EDIL3: variants seen among roughly 807,000 people sequenced by gnomAD.
EDIL3 encodes EGF-like repeat and discoidin I-like domain-containing protein 3.
In EDIL3, 37 loss-of-function variants were observed where a neutral mutation model predicts 67.4. That is an observed-to-expected ratio of 0.55 (90% CI 0.42 to 0.72). EDIL3 has a LOEUF of 0.72. EDIL3 is among the 30% of genes least tolerant of loss of function. The probability of loss-of-function intolerance (pLI) is 0.00; values close to 1 mark genes in which losing one functional copy is unlikely to be tolerated. For missense variants in EDIL3, 527 were observed against 586.3 expected (o/e 0.90, Z 1.04); for synonymous variants, 195 against 196.3 (o/e 0.99, Z 0.05).
At chr5:84,196,468 A>G (rs554825074) in intron 3 of EDIL3, among the ~76,000 whole-genome samples, 1 of 152,110 alleles carries the variant, frequency 6.6e-6, no homozygotes, top group Admixed American at 6.6e-5. Flanking sequence ...AATGGCTTTA[A>G]CGCCTTCTAA....
rs201733934 is a variant in EDIL3 at position 84,267,107 on chromosome 5, G to GA, written c.68-12896dup. 1.2e-4 allele frequency among the ~76,000 whole-genome samples: 18 copies of GA among 152,316 alleles called. No individual in the cohort carries two copies. In the East Asian group the frequency reaches 3.5e-3, roughly 29 times the overall value. ...TTCACATACAAACAACATGGCTTCA[G>GA]AAATGAAATCTGTGTGTTGGAATGG... On this transcript the variant is annotated intron_variant, in intron 1 of 10. Transcript: ENST00000296591.
chr5:84,238,665 GTTTT>G (rs3046880), intron 2 of EDIL3, among the ~76,000 whole-genome samples: 1 of 101,106 alleles, frequency 9.9e-6, no homozygotes, highest in Non-Finnish European at 1.8e-5. Flanking sequence ...AAAATTAAAT[GTTTT>G]TTTTTTTTTT....
chr5:84,315,460 A>T (rs1455230270), intron 1 of EDIL3, among the ~76,000 whole-genome samples: 2 of 152,220 alleles, frequency 1.3e-5, no homozygotes, highest in Non-Finnish European at 2.9e-5. Flanking sequence ...TTCTTATATT[A>T]TAGCATGATA....
At chr5:84,225,815 A>G (rs553580590) in intron 3 of EDIL3, among the ~76,000 whole-genome samples, 1 of 151,730 alleles carries the variant, frequency 6.6e-6, no homozygotes, top group African/African-American at 2.4e-5. Context: ...AATGTTTACT[A>G]AATAGTATGA....
intron 6 of EDIL3, among the ~76,000 whole-genome samples, chr5:84,098,756 T>G (rs780747123): frequency 1.9e-4 from 29 of 152,068 alleles, no homozygotes; most frequent in Non-Finnish European, 7.4e-5. Context: ...ACACAGCTAA[T>G]GCAGTGTTAA....
intron 9 of EDIL3, among the ~76,000 whole-genome samples, chr5:83,973,479 G>T (rs1333535305): frequency 3.9e-5 from 6 of 151,972 alleles, no homozygotes; most frequent in African/African-American, 1.4e-4. Flanking sequence ...AGTATTTTTT[G>T]ATAGCACAGT....
intron 1 of EDIL3, among the ~76,000 whole-genome samples, chr5:84,294,036 C>G (rs1745981932): frequency 6.6e-6 from 1 of 151,970 alleles, no homozygotes; most frequent in South Asian, 2.1e-4. Flanking sequence ...AACTTACATA[C>G]TGTAAAATTG....
intron 1 of EDIL3, among the ~76,000 whole-genome samples, chr5:84,269,965 T>C (rs558855318): frequency 6.6e-6 from 1 of 152,316 alleles, no homozygotes; most frequent in Admixed American, 6.5e-5. Flanking sequence ...TCAAGTCCTT[T>C]GTTAAATGAA....
At chr5:84,232,483 G>A (rs1428657429) in intron 2 of EDIL3, among the ~76,000 whole-genome samples, 1 of 152,164 alleles carries the variant, frequency 6.6e-6, no homozygotes, top group African/African-American at 2.4e-5. Flanking sequence ...GAATTAGCAA[G>A]TACAGAAATG....
chr5:84,022,640 C>A lies in EDIL3; in HGVS notation c.1137+37660G>T, dbSNP rs199529551. The stretch of plus-strand genomic sequence containing the variant: ...ATGATGTCAAGTGAAATAAGCCAGG[C>A]ACAGACAGACAGACAGACAAATTGC... On this transcript the variant is annotated intron_variant, in intron 9 of 10. Coordinates refer to ENST00000296591, the MANE Select transcript of EDIL3 (RefSeq NM_005711.5). Among the ~76,000 whole-genome samples the A allele has an allele frequency of 8.6e-5, 13 of 151,836 alleles. No individual in the cohort carries two copies. The East Asian group carries it at 1.9e-3, about 23-fold the overall frequency.
At chr5:84,196,043 C>A (rs909990893) in intron 3 of EDIL3, among the ~76,000 whole-genome samples, 1 of 151,942 alleles carries the variant, frequency 6.6e-6, no homozygotes, top group South Asian at 2.1e-4. Flanking sequence ...CCTATGCTAT[C>A]CCTTGGAGCA....
intron 10 of EDIL3, among the ~76,000 whole-genome samples, chr5:83,955,228 G>GGT (rs1744493983): frequency 1.3e-5 from 2 of 151,642 alleles, no homozygotes; most frequent in Non-Finnish European, 2.9e-5. Context: ...TCTGATGAGT[G>GGT]GTGGAAGATT....
intron 6 of EDIL3, among the ~76,000 whole-genome samples, chr5:84,068,055 T>G (rs2112242975): frequency 6.6e-6 from 1 of 152,346 alleles, no homozygotes; most frequent in Middle Eastern, 3.4e-3. Flanking sequence ...TAAATTTTAC[T>G]TACTACTCTT....
intron 9 of EDIL3, among the ~76,000 whole-genome samples, chr5:84,016,799 G>A (rs549468419): frequency 6.6e-6 from 1 of 152,196 alleles, no homozygotes; most frequent in African/African-American, 2.4e-5. Flanking sequence ...AACACTCCTG[G>A]TTCCAAGTGT....
chr5:84,305,891 A>G (rs1189677450), intron 1 of EDIL3, among the ~76,000 whole-genome samples: 5 of 134,106 alleles, frequency 3.7e-5, no homozygotes, highest in African/African-American at 1.4e-4. Flanking sequence ...AAGTAAATAA[A>G]TAAATAAATA....
At chr5:84,200,208 G>T (rs1050003224) in intron 3 of EDIL3, among the ~76,000 whole-genome samples, 1 of 152,036 alleles carries the variant, frequency 6.6e-6, no homozygotes, top group Non-Finnish European at 1.5e-5. Context: ...CATGGCACAT[G>T]TATACATACA....
chr5:84,122,043 C>T (rs909196696), intron 5 of EDIL3, among the ~76,000 whole-genome samples: 3 of 151,924 alleles, frequency 2.0e-5, no homozygotes, highest in Non-Finnish European at 4.4e-5. Context: ...CAGTATCTCC[C>T]TCTAGGATGG....
At chr5:84,375,894 A>C (rs1747956254) in intron 1 of EDIL3, among the ~76,000 whole-genome samples, 1 of 152,304 alleles carries the variant, frequency 6.6e-6, no homozygotes, top group South Asian at 2.1e-4. Flanking sequence ...CCTAAATTTG[A>C]AATTTTTAAA....
At chr5:84,257,641 G>C (rs772930064) in intron 1 of EDIL3, among the ~76,000 whole-genome samples, 19 of 152,110 alleles carry the variant, frequency 1.2e-4, no homozygotes, top group Non-Finnish European at 1.6e-4. Context: ...AAATATAGTA[G>C]ATTCAGTTTT....
Sources: allele counts gnomAD v4.1 joint callset (sites outside exome capture counted in the v4.1 genomes callset), GRCh38; gene constraint gnomAD v4.1.1; transcripts MANE v1.5; gene names NCBI Gene and HGNC (gene_info 2026-07-23, HGNC 2026-07-21).